CLEC1A: variants seen among roughly 807,000 people sequenced by gnomAD.
The protein encoded by CLEC1A is C-type lectin domain family 1 member A.
A neutral mutation model predicts 28.7 loss-of-function variants in CLEC1A; 34 were observed. The observed-to-expected ratio is 1.18, with a 90% CI of 0.90 to 1.57. The LOEUF (loss-of-function observed/expected upper bound fraction) is 1.57. CLEC1A is among the 40% of genes most tolerant of loss of function. CLEC1A has a pLI of 0.00. For synonymous variants in CLEC1A, 116 were observed against 121.0 expected (o/e 0.96, Z 0.27); for missense variants, 385 against 339.5 (o/e 1.13, Z -1.05).
In CLEC1A at chr12:10,089,194, T is replaced by C; in HGVS notation, c.144A>G (p.Arg48=). The C allele has an allele frequency of 6.2e-7, 1 of 1,614,028 alleles. No homozygotes were observed. The highest frequency in any genetic ancestry group is 8.5e-7 in the Non-Finnish European group (1 of 1,179,922). ...AAGTCAGCAGGGTCAGGGCCACTGG[T>C]CGCCACGTTGAAGAGGGAGCCCTGT... ...TEHRAPSSTW[R]PVALTLLTLC... Residue 48 remains arginine, a synonymous_variant, in exon 2 of 6, where the codon CGA becomes CGG. Transcript: ENST00000315330.
chr12:10,089,374 G>C, intron 1 of CLEC1A, 152 bp from the exon 2 acceptor site: 1 of 638,948 alleles, frequency 1.6e-6, no homozygotes. Context: ...TCTGTCCTCA[G>C]AAACATCATC....
At chr12:10,073,241 A>G in intron 5 of CLEC1A, 52 bp downstream of exon 5, 2 of 1,397,146 alleles carry the variant, frequency 1.4e-6, no homozygotes, top group South Asian at 1.2e-5. Flanking sequence ...CTATCACTCA[A>G]GCAAAATATC....
intron 2 of CLEC1A, among the ~76,000 whole-genome samples, chr12:10,087,803 A>G (rs1350572964): frequency 6.6e-6 from 1 of 151,346 alleles, no homozygotes; most frequent in Non-Finnish European, 1.5e-5. Context: ...AATTACAGGC[A>G]TGAGCCACCA....
At chr12:10,077,212 T>C (rs1221842739) in intron 3 of CLEC1A, among the ~76,000 whole-genome samples, 1 of 152,188 alleles carries the variant, frequency 6.6e-6, no homozygotes, top group East Asian at 1.9e-4. Flanking sequence ...GAAACTTCTT[T>C]ACTTTCTTAA....
rs1481848745 is a variant in CLEC1A at position 10,073,328 on chromosome 12, C to T, written c.627G>A (p.Trp209Ter). Reference protein sequence around the residue: ...GLLRPDSGKAWLWMDGTPFTS... With the variant: ...GLLRPDSGKA ...TGAAAGGGGTTCCATCCATCCACAG[C>T]CAGGCCTTGCCACTGTCAGGGCGCA... Residue 209 changes from tryptophan (W) to a stop codon, truncating the protein, a stop_gained, in exon 5 of 6, where the codon TGG becomes TGA. Coordinates refer to ENST00000315330, the MANE Select transcript of CLEC1A (RefSeq NM_016511.4). LOFTEE classifies it low-confidence loss of function (END_TRUNC). 6.2e-7 allele frequency: 1 copy of T among 1,613,928 alleles called. No homozygotes were observed. Among genetic ancestry groups the T allele is most frequent in the South Asian group, 1.1e-5 (1 of 91,062 alleles).
At chr12:10,095,001 A>G (rs1384716775) in intron 1 of CLEC1A, among the ~76,000 whole-genome samples, 1 of 152,140 alleles carries the variant, frequency 6.6e-6, no homozygotes, top group African/African-American at 2.4e-5. Flanking sequence ...TGCGGCCTCC[A>G]ACATTGATTT....
intron 3 of CLEC1A, among the ~76,000 whole-genome samples, chr12:10,076,731 T>C (rs1266739954): frequency 6.6e-6 from 1 of 151,850 alleles, no homozygotes; most frequent in Non-Finnish European, 1.5e-5. Context: ...AAAAACAGAG[T>C]CCAGTTTGTG....
intron 5 of CLEC1A, among the ~76,000 whole-genome samples, chr12:10,072,640 C>CTCTG (rs1866158934): frequency 6.6e-6 from 1 of 151,558 alleles, no homozygotes; most frequent in Non-Finnish European, 1.5e-5. Flanking sequence ...AAAGATCTCT[C>CTCTG]TCTCTCTCTC....
At chr12:10,089,280 CA>C in intron 1 of CLEC1A, 58 bp from the exon 2 acceptor site, 1 of 1,384,304 alleles carries the variant, frequency 7.2e-7, no homozygotes, top group Non-Finnish European at 1.0e-6. Context: ...GCATCTAAGT[CA>C]ATAACAGGTA....
At chr12:10,087,008 C>T (rs894033279) in intron 2 of CLEC1A, among the ~76,000 whole-genome samples, 1 of 151,858 alleles carries the variant, frequency 6.6e-6, no homozygotes. Context: ...GAGTTCGAGA[C>T]CAGCCTGACC....
chr12:10,076,731 T>G (rs1266739954), intron 3 of CLEC1A, among the ~76,000 whole-genome samples: 1 of 151,850 alleles, frequency 6.6e-6, no homozygotes, highest in Non-Finnish European at 1.5e-5. Context: ...AAAAACAGAG[T>G]CCAGTTTGTG....
At chr12:10,081,909 C>G (rs74856274) in intron 2 of CLEC1A, among the ~76,000 whole-genome samples, 1,610 of 152,130 alleles carry the variant, frequency 0.011, 31 homozygotes, top group African/African-American at 0.036. Context: ...TTAACCTCAC[C>G]TGGAGCAGAA....
At chr12:10,084,839 A>G (rs1427329605) in intron 2 of CLEC1A, among the ~76,000 whole-genome samples, 7 of 149,748 alleles carry the variant, frequency 4.7e-5, no homozygotes, top group South Asian at 4.2e-4. Flanking sequence ...AAAAAAAAAA[A>G]AAAAGAAAAG....
chr12:10,086,444 C>T (rs897168772), intron 2 of CLEC1A, among the ~76,000 whole-genome samples: 3 of 149,602 alleles, frequency 2.0e-5, no homozygotes, highest in Non-Finnish European at 4.4e-5. Context: ...ATCAATAGAA[C>T]GTTAGCAAGG....
chr12:10,082,561 T>A (rs1866394411), intron 2 of CLEC1A, among the ~76,000 whole-genome samples: 1 of 152,056 alleles, frequency 6.6e-6, no homozygotes, highest in African/African-American at 2.4e-5. Context: ...CCATGTGATG[T>A]TTTTTCTCTA....
At chr12:10,077,883 A>G (rs963033914) in intron 3 of CLEC1A, among the ~76,000 whole-genome samples, 1 of 152,038 alleles carries the variant, frequency 6.6e-6, no homozygotes, top group Non-Finnish European at 1.5e-5. Context: ...TAACTCCCCA[A>G]ACAGCATTCC....
At chr12:10,079,988 T>G (rs1346082888) in intron 3 of CLEC1A, among the ~76,000 whole-genome samples, 2 of 152,104 alleles carry the variant, frequency 1.3e-5, no homozygotes, top group African/African-American at 4.8e-5. Flanking sequence ...CAAAGGAAAG[T>G]ATGCACACTG....
In CLEC1A at chr12:10,070,095, A is replaced by C. The variant is rs1268444984; in HGVS notation, c.*1238T>G. On this transcript the variant is annotated 3_prime_UTR_variant, in exon 6 of 6. Transcript: ENST00000315330. ...TGTCATTCCCAATGATCCCTGTTAT[A>C]TTTGTGCATGGAGTCGTCTCAAGAA... The C allele has an allele frequency of 6.6e-6, 1 of 152,194 alleles. No homozygotes were observed. The highest frequency in any genetic ancestry group is 6.5e-5 in the Admixed American group (1 of 15,274). 9.4% of individuals were successfully genotyped at this position (152,194 alleles called of 1,614,324 possible).
In CLEC1A at chr12:10,098,938, G is replaced by C. The variant is rs775153481; in HGVS notation, c.-16C>G. 2 of 1,585,848 alleles carry C rather than the reference G, an allele frequency of 1.3e-6. No individual in the cohort carries two copies. On this transcript the variant is annotated 5_prime_UTR_variant, in exon 1 of 6. Coordinates refer to ENST00000315330, the MANE Select transcript of CLEC1A (RefSeq NM_016511.4). ...TGGCCTGCATCTGGATTCCTACAGC[G>C]GTGAGAGTGAAATGTGGTCGGATTG...
Sources: gnomAD v4.1 joint callset for allele counts (sites outside exome capture counted in the v4.1 genomes callset) on GRCh38, gnomAD v4.1.1 for gene constraint, MANE v1.5 for transcripts, NCBI Gene and HGNC (gene_info 2026-07-23, HGNC 2026-07-21) for gene names.